Variants in OGG1 observed in about 807,000 individuals in gnomAD.
OGG1 encodes 8-oxoguanine DNA glycosylase.
OGG1 carries 35 observed loss-of-function variants against 42.3 expected under a neutral mutation model. The ratio of observed to expected loss-of-function variants is 0.83; its 90% CI spans 0.63 to 1.10. The LOEUF (loss-of-function observed/expected upper bound fraction) is 1.10. Among genes scored for constraint, OGG1 ranks in the 50% least tolerant of loss-of-function variants. The pLI is 0.00. For synonymous variants in OGG1, 189 were observed against 179.0 expected (o/e 1.06, Z -0.44); for missense variants, 484 against 446.7 (o/e 1.08, Z -0.75).
At chr3:9,786,482 T>C (rs1271081228) in intron 3 of OGG1, among the ~76,000 whole-genome samples, 1 of 151,682 alleles carries the variant, frequency 6.6e-6, no homozygotes, top group African/African-American at 2.4e-5. Context: ...GTGTCTAAGG[T>C]CAACCAGCAG....
intron 7 of OGG1, chr3:9,765,609 C>G (rs2078117553): frequency 9.7e-6 from 9 of 925,704 alleles, no homozygotes; most frequent in Non-Finnish European, 1.5e-5. Context: ...TCCCCACAAC[C>G]CTGCCAAGTG....
chr3:9,789,902 T>A (rs765063026), downstream of OGG1: 1 of 1,614,162 alleles, frequency 6.2e-7, no homozygotes, highest in Admixed American at 1.7e-5. Flanking sequence ...TCCAAGTTCA[T>A]GGTCTCGACC....
At chr3:9,766,044 G>C (rs1308713538) in exon 8 of OGG1, 1 of 1,603,816 alleles carries the variant, frequency 6.2e-7, no homozygotes, top group Admixed American at 1.7e-5. Flanking sequence ...TCCAGAGATG[G>C]TCACATGACC....
At chr3:9,785,710 G>A (rs1290795740) in intron 3 of OGG1, among the ~76,000 whole-genome samples, 1 of 152,214 alleles carries the variant, frequency 6.6e-6, no homozygotes, top group Non-Finnish European at 1.5e-5. Flanking sequence ...CAACGCACCA[G>A]GCAGTGTGCT....
chr3:9,752,421 G>T (rs1449417296), intron 3 of OGG1, among the ~76,000 whole-genome samples: 1 of 150,352 alleles, frequency 6.7e-6, no homozygotes, highest in Non-Finnish European at 1.5e-5. Context: ...TGGCACACAG[G>T]AAGTATATGT....
At chr3:9,785,072 G>A (rs1182407272) in intron 3 of OGG1, among the ~76,000 whole-genome samples, 2 of 152,090 alleles carry the variant, frequency 1.3e-5, no homozygotes, top group African/African-American at 2.4e-5. Context: ...TGCCAATTTA[G>A]CCAACCATTC....
chr3:9,787,475 A>G, intron 3 of OGG1: 1 of 1,294,064 alleles, frequency 7.7e-7, no homozygotes, highest in Non-Finnish European at 1.0e-6. Flanking sequence ...GGTGTAGGTA[A>G]GAAAGTACAA....
At chr3:9,789,745 C>T (rs370295296), downstream of OGG1, 19 of 1,613,650 alleles carry the variant, frequency 1.2e-5, no homozygotes, top group Non-Finnish European at 1.6e-5. Flanking sequence ...GGATCCGTGG[C>T]ACGTCGATAG....
chr3:9,756,628 A>T lies in OGG1; in HGVS notation c.898+7A>T. ...CAGACCAACAAGGAACTGGGTGAGGAAAGTGGGCTGCAGGGGCTGGCAGTG... is the reference window on the plus strand; with the variant it reads ...CAGACCAACAAGGAACTGGGTGAGGTAAGTGGGCTGCAGGGGCTGGCAGTG... On this transcript the variant is annotated splice_region_variant and intron_variant, in intron 5 of 6. Transcript: ENST00000344629. 1.3e-5 allele frequency: 21 copies of T among 1,612,824 alleles called. No individual in the cohort carries two copies. The highest frequency in any genetic ancestry group is 1.8e-5 in the Non-Finnish European group (21 of 1,178,854).
At chr3:9,760,167 C>T (rs1478527931), downstream of OGG1, 3 of 196,084 alleles carry the variant, frequency 1.5e-5, no homozygotes, top group Non-Finnish European at 3.2e-5. Context: ...TGCTCGAACC[C>T]GGGAGACAGA....
chr3:9,765,651 A>G (rs1260760255), intron 7 of OGG1: 1 of 1,321,576 alleles, frequency 7.6e-7, no homozygotes, highest in South Asian at 1.4e-5. Context: ...TAAAGGGGCA[A>G]TTTAAGGCTT....
intron 1 of OGG1, chr3:9,750,723 C>T: frequency 4.3e-6 from 3 of 702,264 alleles, no homozygotes; most frequent in East Asian, 5.4e-5. Context: ...CTCGACCCCC[C>T]GGGCGCAGCC....
chr3:9,753,764 A>G (rs3219006), intron 3 of OGG1, among the ~76,000 whole-genome samples: 3,966 of 152,348 alleles, frequency 0.026, 170 homozygotes, highest in African/African-American at 0.09. Flanking sequence ...TGTTTGTAGA[A>G]TGGGAATAAC....
At chr3:9,762,826 G>T in intron 7 of OGG1, 3 of 1,341,570 alleles carry the variant, frequency 2.2e-6, no homozygotes, top group East Asian at 2.3e-5. Context: ...CAGTGAGGGG[G>T]TGAAAGTTGC....
chr3:9,785,437 C>T, intron 3 of OGG1: 1 of 1,585,986 alleles, frequency 6.3e-7, no homozygotes, highest in Non-Finnish European at 8.7e-7. Flanking sequence ...TAGAAGACCA[C>T]AAAAATGAGT....
downstream of OGG1, among the ~76,000 whole-genome samples, chr3:9,767,471 A>G (rs2078185991): frequency 6.6e-6 from 1 of 152,230 alleles, no homozygotes; most frequent in Non-Finnish European, 1.5e-5. Flanking sequence ...TCAAGAACCC[A>G]GGGCTATTGG....
Position 9,780,788 on chromosome 3 carries a change from C to T in OGG1, c.295-725C>T, listed in dbSNP as rs529833653. Among the ~76,000 whole-genome samples the T allele has an allele frequency of 3.2e-4, 48 of 152,280 alleles. 1 individual carries two copies. Among genetic ancestry groups the T allele is most frequent in the Admixed American group, 7.2e-4 (11 of 15,292 alleles). On this transcript the variant is annotated intron_variant, in intron 2 of 3. Transcript: ENST00000426518. ...GTGCACATGTGGGGACAGGGAGATA[C>T]GGGAATTCTCTGTACCTTTCTCTCA... is the stretch of plus-strand genomic sequence containing the variant.
At chr3:9,780,492 G>A in intron 2 of OGG1, 1 of 1,609,850 alleles carries the variant, frequency 6.2e-7, no homozygotes, top group East Asian at 2.2e-5. Context: ...TGACCTCGTT[G>A]TCAGCCATGC....
chr3:9,761,734 G>C, downstream of OGG1: 1 of 1,614,104 alleles, frequency 6.2e-7, no homozygotes, highest in Non-Finnish European at 8.5e-7. Flanking sequence ...CTTCATCCAG[G>C]CTGTAGTACA....
Sources: allele counts gnomAD v4.1 joint callset (sites outside exome capture counted in the v4.1 genomes callset), GRCh38; gene constraint gnomAD v4.1.1; transcripts MANE v1.5; gene names NCBI Gene and HGNC (gene_info 2026-07-23, HGNC 2026-07-21).